MKX: variants seen among roughly 807,000 people sequenced by gnomAD.
The protein encoded by MKX is homeobox protein Mohawk.
A neutral mutation model predicts 36.0 loss-of-function variants in MKX; 13 were observed. The observed-to-expected ratio is 0.36, with a 90% CI of 0.24 to 0.57. The LOEUF is 0.57. Ranked by LOEUF, MKX falls within the 20% of genes least tolerant of loss-of-function variation. The pLI is 0.79. For synonymous variants in MKX, 176 were observed against 178.3 expected (o/e 0.99, Z 0.10); for missense variants, 458 against 456.4 (o/e 1.00, Z -0.03).
intron 5 of MKX, among the ~76,000 whole-genome samples, chr10:27,708,576 A>G (rs1836797247): frequency 6.6e-6 from 1 of 152,168 alleles, no homozygotes; most frequent in African/African-American, 2.4e-5. Context: ...TTAAAATAAA[A>G]AAATTAGCTG....
At chr10:27,733,165 G>A (rs747535978) in intron 5 of MKX, among the ~76,000 whole-genome samples, 25 of 152,170 alleles carry the variant, frequency 1.6e-4, no homozygotes, top group Non-Finnish European at 3.4e-4. Context: ...TATTGTTGGA[G>A]TTGGTGATGC....
chr10:27,737,056 T>G (rs1399946364), intron 3 of MKX, among the ~76,000 whole-genome samples: 1 of 152,164 alleles, frequency 6.6e-6, no homozygotes, highest in Non-Finnish European at 1.5e-5. Context: ...ATGAATAAGC[T>G]TTGTCTTCTG....
chr10:27,735,753 T>G (rs1249542983), intron 3 of MKX, among the ~76,000 whole-genome samples: 1 of 152,172 alleles, frequency 6.6e-6, no homozygotes. Context: ...CATATATGAC[T>G]CCAGCCTTTT....
At chr10:27,718,519 A>G (rs1227810345) in intron 5 of MKX, 1 of 390,562 alleles carries the variant, frequency 2.6e-6, no homozygotes, top group South Asian at 1.9e-5. Context: ...TATTGGCAAG[A>G]AGGAGTGGAA....
chr10:27,699,110 T>G (rs1836607385), intron 5 of MKX, among the ~76,000 whole-genome samples: 1 of 152,186 alleles, frequency 6.6e-6, no homozygotes, highest in South Asian at 2.1e-4. Context: ...CAGAAAGTAA[T>G]AGTTTCCTTA....
At position 27,718,448 on chromosome 10, in the gene MKX, A is replaced by C. The variant is rs1169482613; in HGVS notation, c.838+16008T>G. 8.1e-5 allele frequency: 18 copies of C among 221,140 alleles called. No homozygotes were observed. The Admixed American group carries it at 9.0e-4, about 11-fold the overall frequency. 13.7% of individuals were successfully genotyped at this position (221,140 alleles called of 1,614,324 possible). A position where few individuals can be genotyped will look rare whatever the true frequency, so the allele number is the denominator to read the frequency against. ...ATAACCCAAGTACAAAAGGGTAAAA[A>C]AGCAATATGAAGCATATGATATTTA... is the stretch of plus-strand genomic sequence containing the variant. On this transcript the variant is annotated intron_variant, in intron 5 of 6. Coordinates refer to ENST00000419761, the MANE Select transcript of MKX (RefSeq NM_173576.3).
At chr10:27,745,543 A>G (rs1448073035) in intron 1 of MKX, 164 bp downstream of exon 1, 2 of 152,498 alleles carry the variant, frequency 1.3e-5, no homozygotes, top group African/African-American at 4.8e-5. Context: ...AGCTCCGCGC[A>G]GACCCTTGGG....
At chr10:27,689,230 C>A (rs1382412817) in intron 5 of MKX, among the ~76,000 whole-genome samples, 1 of 152,192 alleles carries the variant, frequency 6.6e-6, no homozygotes, top group African/African-American at 2.4e-5. Context: ...CGCTCACAAA[C>A]TTCTTGGCTC....
At chr10:27,738,952 T>C (rs1381698316) in intron 3 of MKX, among the ~76,000 whole-genome samples, 5 of 152,058 alleles carry the variant, frequency 3.3e-5, no homozygotes, top group African/African-American at 4.8e-5. Context: ...TTGTAGCTGA[T>C]AATGGCATAT....
chr10:27,681,010 C>T (rs74856229), intron 5 of MKX, among the ~76,000 whole-genome samples: 6 of 152,290 alleles, frequency 3.9e-5, no homozygotes, highest in Non-Finnish European at 7.4e-5. Flanking sequence ...CGCCACCTAA[C>T]GATAATTCGG....
intron 5 of MKX, among the ~76,000 whole-genome samples, chr10:27,704,161 T>C (rs1836710544): frequency 6.6e-6 from 1 of 152,144 alleles, no homozygotes; most frequent in South Asian, 2.1e-4. Context: ...TCAAGGCCAA[T>C]TTAGAACATC....
intron 5 of MKX, chr10:27,718,663 C>T: frequency 3.0e-6 from 1 of 336,908 alleles, no homozygotes. Flanking sequence ...AAAATAGTAT[C>T]CACTTGGACT....
At position 27,741,177 on chromosome 10, in the gene MKX, G is replaced by T. The variant is rs1834884881; in HGVS notation, c.348+168C>A. Among the ~76,000 whole-genome samples, 1 of 152,222 alleles carries T rather than the reference G, an allele frequency of 6.6e-6. No individual in the cohort carries two copies. Among genetic ancestry groups the T allele is most frequent in the Non-Finnish European group, 1.5e-5 (1 of 68,040 alleles). ...GCATTCTTTCCTGCACGGAGCATCTGCACTGAACTGAGGGATGAGGGTGAG... is the reference window on the plus strand; with the variant it reads ...GCATTCTTTCCTGCACGGAGCATCTTCACTGAACTGAGGGATGAGGGTGAG... On this transcript the variant is annotated intron_variant, in intron 3 of 6. Coordinates refer to ENST00000419761, the MANE Select transcript of MKX (RefSeq NM_173576.3). The surrounding 1 kb of genome is among the most constrained non-coding windows in gnomAD (Gnocchi z 5.1).
chr10:27,683,380 G>A (rs1371321071), intron 5 of MKX, among the ~76,000 whole-genome samples: 3 of 152,228 alleles, frequency 2.0e-5, no homozygotes, highest in African/African-American at 4.8e-5. Context: ...ATGCAGCCTC[G>A]GTATGCAGAA....
At chr10:27,724,435 C>T (rs929764147) in intron 5 of MKX, among the ~76,000 whole-genome samples, 1 of 152,108 alleles carries the variant, frequency 6.6e-6, no homozygotes, top group African/African-American at 2.4e-5. Flanking sequence ...GGTTGTGTGA[C>T]CTGAGCAAAT....
intron 5 of MKX, among the ~76,000 whole-genome samples, chr10:27,711,628 G>A (rs951802571): frequency 7.3e-5 from 11 of 149,970 alleles, no homozygotes; most frequent in Admixed American, 2.0e-4. Context: ...CTGGAGCGCA[G>A]TCGCACAGTC....
At chr10:27,677,352 C>A (rs1342690182) in intron 5 of MKX, among the ~76,000 whole-genome samples, 2 of 152,274 alleles carry the variant, frequency 1.3e-5, no homozygotes, top group South Asian at 2.1e-4. Flanking sequence ...TTTTTCTCTG[C>A]ACTGCTCAAG....
intron 5 of MKX, among the ~76,000 whole-genome samples, chr10:27,689,825 T>C (rs141706781): frequency 3.3e-5 from 5 of 152,216 alleles, no homozygotes; most frequent in African/African-American, 4.8e-5. Flanking sequence ...ACCCCTACTT[T>C]TAAATGAGAA....
At chr10:27,729,697 G>T (rs142525205) in intron 5 of MKX, among the ~76,000 whole-genome samples, 1 of 152,112 alleles carries the variant, frequency 6.6e-6, no homozygotes, top group East Asian at 1.9e-4. Context: ...AAACAAGAGG[G>T]GAACTCCACA....
Sources: allele counts gnomAD v4.1 joint callset (sites outside exome capture counted in the v4.1 genomes callset), GRCh38; gene constraint gnomAD v4.1.1; non-coding constraint Gnocchi (gnomAD v3.1); transcripts MANE v1.5; gene names NCBI Gene and HGNC (gene_info 2026-07-23, HGNC 2026-07-21).